Variants in SPRY3 observed in about 807,000 individuals in gnomAD.
SPRY3 encodes protein sprouty homolog 3.
SPRY3 carries 15 observed loss-of-function variants against 20.2 expected under a neutral mutation model. The observed-to-expected ratio is 0.74, with a 90% confidence interval of 0.50 to 1.14. The LOEUF (loss-of-function observed/expected upper bound fraction) is 1.14. SPRY3 is among the 50% of genes most tolerant of loss of function. The pLI is 0.00. For synonymous variants in SPRY3, 143 were observed against 136.5 expected (o/e 1.05, Z -0.33); for missense variants, 364 against 363.9 (o/e 1.00, Z 0.00).
At chrX:155,661,151 T>G (rs2068008616) in intron 2 of SPRY3, among the ~76,000 whole-genome samples, 1 of 112,449 alleles carries the variant, frequency 8.9e-6, no homozygotes, top group Non-Finnish European at 1.9e-5. Flanking sequence ...TTGTGTGTTC[T>G]TATGATGGTG....
In SPRY3 at chrX:155,658,032, T is replaced by C. The variant is rs189360331; in HGVS notation, c.-282+1007T>C. On this transcript the variant is annotated intron_variant, in intron 2 of 3. Coordinates refer to ENST00000675360, the Ensembl canonical transcript of SPRY3. ...ATTGGTCTCACTGGGAGCTGCAGAC[T>C]GGAGCTGTTCCTATTTGGCCTTCTT... Among the ~76,000 whole-genome samples, 8 of 112,360 alleles carry C rather than the reference T, an allele frequency of 7.1e-5. No homozygotes were observed. In the Admixed American group the frequency reaches 7.5e-4, roughly 11 times the overall value.
chrX:155,711,318 G>T (rs1432404838), intron 2 of SPRY3, among the ~76,000 whole-genome samples: 1 of 151,476 alleles, frequency 6.6e-6, no homozygotes, highest in Admixed American at 6.6e-5. Flanking sequence ...TTTTATTACA[G>T]ATTCTTCTAG....
intron 2 of SPRY3, among the ~76,000 whole-genome samples, chrX:155,749,560 G>A (rs1388774441): frequency 1.3e-5 from 2 of 151,832 alleles, no homozygotes; most frequent in East Asian, 3.9e-4. Flanking sequence ...AAAAATTTGA[G>A]GTGGAAGTAT....
rs146444050 is a variant in SPRY3, at chrX:155,744,004, G to A, written c.-281-23958G>A. On this transcript the variant is annotated intron_variant, in intron 2 of 3. Transcript: ENST00000675360. ...AAGGCAAGCTGCCCAAAGGAAGCATGCAACACTGCAAGGAATGCAATTTAG... is the reference window on the plus strand; with the variant it reads ...AAGGCAAGCTGCCCAAAGGAAGCATACAACACTGCAAGGAATGCAATTTAG... Among the ~76,000 whole-genome samples the A allele has an allele frequency of 3.7e-3, 567 of 152,180 alleles. 3 individuals are homozygous for A. The highest frequency in any genetic ancestry group is 0.013 in the African/African-American group (520 of 41,520).
intron 2 of SPRY3, among the ~76,000 whole-genome samples, chrX:155,714,291 T>G (rs2091006438): frequency 6.6e-6 from 1 of 152,176 alleles, no homozygotes; most frequent in Non-Finnish European, 1.5e-5. Context: ...AGTGTTGAAG[T>G]GTTAGGCATT....
intron 2 of SPRY3, among the ~76,000 whole-genome samples, chrX:155,763,921 T>G (rs1211459204): frequency 3.3e-5 from 5 of 152,206 alleles, no homozygotes; most frequent in Admixed American, 3.3e-4. Flanking sequence ...AACCGGTTAC[T>G]ACAAAGCATG....
intron 1 of SPRY3, among the ~76,000 whole-genome samples, chrX:155,648,343 C>A (rs375175190): frequency 8.9e-6 from 1 of 112,695 alleles, no homozygotes. Context: ...GTTACCGTTG[C>A]TTTTGGTGTT....
chrX:155,774,543 C>T (rs771261835), exon 4 of SPRY3: 1 of 1,613,880 alleles, frequency 6.2e-7, no homozygotes, highest in Non-Finnish European at 8.5e-7. Flanking sequence ...GCTGGGCAGC[C>T]ATGAGCCTCA....
chrX:155,782,039 G>C (rs1038783066), exon 2 of SPRY3: 4 of 166,960 alleles, frequency 2.4e-5, no homozygotes, highest in Non-Finnish European at 5.9e-5. Flanking sequence ...CCTTAGTACT[G>C]AACTAGCCCA....
At chrX:155,718,819 C>G (rs772265143) in intron 2 of SPRY3, among the ~76,000 whole-genome samples, 1 of 152,132 alleles carries the variant, frequency 6.6e-6, no homozygotes, top group East Asian at 1.9e-4. Flanking sequence ...AACGCAAAAT[C>G]TGGAAACCAT....
intron 2 of SPRY3, among the ~76,000 whole-genome samples, chrX:155,764,714 C>T (rs995508333): frequency 2.0e-5 from 3 of 151,950 alleles, no homozygotes; most frequent in Admixed American, 6.6e-5. Flanking sequence ...CAAAGGGGGC[C>T]TCTGGAGCAC....
At chrX:155,732,738 T>G (rs941526742) in intron 2 of SPRY3, among the ~76,000 whole-genome samples, 1 of 152,080 alleles carries the variant, frequency 6.6e-6, no homozygotes, top group Non-Finnish European at 1.5e-5. Flanking sequence ...AGTCAAGATT[T>G]GGAAGGAACC....
At chrX:155,740,864 G>A (rs935971022) in intron 2 of SPRY3, among the ~76,000 whole-genome samples, 1 of 149,258 alleles carries the variant, frequency 6.7e-6, no homozygotes, top group Non-Finnish European at 1.5e-5. Context: ...ATAAAAACCT[G>A]CTGGTTTTGT....
intron 2 of SPRY3, among the ~76,000 whole-genome samples, chrX:155,711,594 T>A (rs2090986829): frequency 6.6e-6 from 1 of 151,608 alleles, no homozygotes. Flanking sequence ...TTACCTTTTT[T>A]GAAAACCAAC....
At position 155,776,789 on chromosome X, in the gene SPRY3, A is replaced by T. The variant is rs969053155; in HGVS notation, c.*2051A>T. On this transcript the variant is annotated 3_prime_UTR_variant, in exon 4 of 4. Transcript: ENST00000675360. The stretch of plus-strand genomic sequence containing the variant: ...CTCCATGTCCCTTTGTTGGATACAT[A>T]TTACAGAAATATGTGCCACTCACTT... 3.0e-5 allele frequency: 5 copies of T among 167,172 alleles called. No individual in the cohort carries two copies. In the East Asian group the frequency reaches 7.7e-4, roughly 26 times the overall value. The allele number at this position is 167,172 out of a possible 1,614,324, so 10.4% of individuals were successfully genotyped here. A position where few individuals can be genotyped will look rare whatever the true frequency, so the allele number is the denominator to read the frequency against.
At chrX:155,647,113 T>C (rs2067960444) in intron 1 of SPRY3, among the ~76,000 whole-genome samples, 1 of 111,571 alleles carries the variant, frequency 9.0e-6, no homozygotes, top group African/African-American at 3.3e-5. Context: ...GTTTCCCTTT[T>C]GATTTTCTAT....
intron 2 of SPRY3, among the ~76,000 whole-genome samples, chrX:155,707,135 AT>A (rs1484567944): frequency 6.6e-6 from 1 of 150,940 alleles, no homozygotes; most frequent in Non-Finnish European, 1.5e-5. Context: ...TAAAGTATAA[AT>A]TTTTTTCCAA....
chrX:155,705,022 G>A (rs1045298072), intron 2 of SPRY3, among the ~76,000 whole-genome samples: 2 of 151,418 alleles, frequency 1.3e-5, no homozygotes, highest in African/African-American at 4.8e-5. Context: ...AGTTTTTCAG[G>A]CAGAAAGAGT....
At chrX:155,745,541 C>T (rs2091221591) in intron 2 of SPRY3, among the ~76,000 whole-genome samples, 1 of 151,970 alleles carries the variant, frequency 6.6e-6, no homozygotes, top group African/African-American at 2.4e-5. Flanking sequence ...TTCTAAGATA[C>T]CTGGCCTTGT....
Sources: gnomAD v4.1 joint callset for allele counts (sites outside exome capture counted in the v4.1 genomes callset) on GRCh38, gnomAD v4.1.1 for gene constraint, MANE v1.5 for transcripts, NCBI Gene and HGNC (gene_info 2026-07-23, HGNC 2026-07-21) for gene names.